The following SNX29 variants were observed in gnomAD, a reference collection of about 807,000 sequenced individuals.
SNX29 encodes the protein sorting nexin-29.
Under a neutral mutation model 102.1 loss-of-function variants are expected in SNX29, and 78 were observed. That is an observed-to-expected ratio of 0.76 (90% CI 0.64 to 0.92). The LOEUF (loss-of-function observed/expected upper bound fraction) is 0.92. Ranked by LOEUF, SNX29 falls within the 40% of genes least tolerant of loss-of-function variation. SNX29 has a pLI of 0.00. For missense variants in SNX29, 1,280 were observed against 1,061.7 expected, an observed-to-expected ratio of 1.21 and a Z score of -2.86; for synonymous variants, 580 against 414.5, an observed-to-expected ratio of 1.40 and a Z score of -4.85.
chr16:12,042,087 GTGGTGC>G (rs1225857523), intron 4 of SNX29, among the ~76,000 whole-genome samples: 3 of 152,170 alleles, frequency 2.0e-5, no homozygotes, highest in Non-Finnish European at 2.9e-5. Flanking sequence ...CCGGAGTGCA[GTGGTGC>G]AATCTCAGCT....
At chr16:12,328,066 C>G (rs1007770022) in intron 15 of SNX29, among the ~76,000 whole-genome samples, 2 of 152,176 alleles carry the variant, frequency 1.3e-5, no homozygotes, top group African/African-American at 4.8e-5. Context: ...ACACCACTTT[C>G]CAGAGCCTCG....
intron 20 of SNX29, among the ~76,000 whole-genome samples, chr16:12,541,188 A>G (rs965389554): frequency 2.0e-5 from 3 of 152,156 alleles, no homozygotes; most frequent in Non-Finnish European, 4.4e-5. Context: ...AGTATTGTCT[A>G]TCCTGAAGTA....
chr16:12,071,696 C>T (rs1483724409), intron 10 of SNX29, among the ~76,000 whole-genome samples: 1 of 152,014 alleles, frequency 6.6e-6, no homozygotes, highest in East Asian at 1.9e-4. Context: ...AGTTTTTTTC[C>T]AATTTGTGAA....
chr16:12,510,029 C>A (rs940046355), intron 19 of SNX29, among the ~76,000 whole-genome samples: 1 of 152,226 alleles, frequency 6.6e-6, no homozygotes, highest in Non-Finnish European at 1.5e-5. Context: ...TGGCTTGGTT[C>A]GCCCAGTGCC....
intron 3 of SNX29, 118 bp downstream of exon 3, chr16:12,003,161 CT>C: frequency 7.9e-7 from 1 of 1,260,978 alleles, no homozygotes; most frequent in Non-Finnish European, 1.2e-6. Context: ...CGGCTGGCTT[CT>C]GGGCTCTGCC....
At chr16:12,294,714 C>T (rs1372749881) in intron 15 of SNX29, among the ~76,000 whole-genome samples, 4 of 152,158 alleles carry the variant, frequency 2.6e-5, no homozygotes, top group African/African-American at 9.7e-5. Flanking sequence ...CAGGCTGGCT[C>T]CTTGCCTCCC....
rs1292056093 is a variant in SNX29 at position 12,570,588 on chromosome 16, A to C, written c.*1959A>C. ...TCAGGAGTGCCTCCCTGGCCTGGGT[A>C]GCTACCCTGGAGGTCATCTCCCTGT... On this transcript the variant is annotated 3_prime_UTR_variant, in exon 21 of 21. Coordinates refer to ENST00000566228, the MANE Select transcript of SNX29 (RefSeq NM_032167.5). The C allele has an allele frequency of 1.3e-5, 3 of 231,852 alleles. No homozygotes were observed. In the East Asian group the frequency reaches 1.8e-4, roughly 14 times the overall value. The allele number at this position is 231,852 out of a possible 1,614,324, so 14.4% of individuals were successfully genotyped here.
intron 15 of SNX29, among the ~76,000 whole-genome samples, chr16:12,299,826 A>G (rs1464358304): frequency 2.5e-5 from 3 of 120,056 alleles, no homozygotes; most frequent in Non-Finnish European, 5.5e-5. Context: ...TAATATTTGT[A>G]TCTTTTTTCT....
At chr16:12,458,548 T>A (rs2086633921) in intron 18 of SNX29, among the ~76,000 whole-genome samples, 1 of 152,172 alleles carries the variant, frequency 6.6e-6, no homozygotes, top group Non-Finnish European at 1.5e-5. Context: ...CTATCACTGG[T>A]CCTGTTTCTA....
intron 14 of SNX29, among the ~76,000 whole-genome samples, chr16:12,245,971 A>C (rs967411452): frequency 6.6e-6 from 1 of 152,166 alleles, no homozygotes; most frequent in Non-Finnish European, 1.5e-5. Context: ...GGATATTAAC[A>C]ATGCTTAATG....
intron 14 of SNX29, among the ~76,000 whole-genome samples, chr16:12,207,090 C>G (rs1488740353): frequency 6.6e-6 from 1 of 152,116 alleles, no homozygotes; most frequent in African/African-American, 2.4e-5. Flanking sequence ...GAGGCTAGGC[C>G]AAGCGCGGTT....
chr16:12,390,267 G>A (rs2083481714), intron 16 of SNX29, among the ~76,000 whole-genome samples: 1 of 152,050 alleles, frequency 6.6e-6, no homozygotes, highest in Admixed American at 6.6e-5. Context: ...AGTGACTGAA[G>A]TGTGAGCTGG....
At chr16:12,274,694 A>T (rs2079192599) in intron 14 of SNX29, among the ~76,000 whole-genome samples, 1 of 151,970 alleles carries the variant, frequency 6.6e-6, no homozygotes, top group South Asian at 2.1e-4. Flanking sequence ...GTGGCACCAC[A>T]CCATACTAAT....
At chr16:12,454,353 A>T (rs1048411733) in intron 18 of SNX29, among the ~76,000 whole-genome samples, 2 of 152,196 alleles carry the variant, frequency 1.3e-5, no homozygotes, top group Admixed American at 6.5e-5. Flanking sequence ...CTGCTTGTCC[A>T]TCAGAAAAGA....
chr16:12,572,577 G>C lies in SNX29; in HGVS notation c.*3948G>C. 2.8e-6 allele frequency: 3 copies of C among 1,064,254 alleles called. No homozygotes were observed. The highest frequency in any genetic ancestry group is 3.3e-5 in the African/African-American group (2 of 61,110). The allele number at this position is 1,064,254 out of a possible 1,614,324, so 65.9% of individuals were successfully genotyped here. A position where few individuals can be genotyped will look rare whatever the true frequency, so the allele number is the denominator to read the frequency against. On this transcript the variant is annotated 3_prime_UTR_variant, in exon 21 of 21. Coordinates refer to ENST00000566228, the MANE Select transcript of SNX29 (RefSeq NM_032167.5). Reference sequence around the variant, plus strand: ...GCTCCTCACAGGGAGGTCCAGCCATGTTCTCTGGGCTCCCAGTGAGCCCCC... The same window carrying C: ...GCTCCTCACAGGGAGGTCCAGCCATCTTCTCTGGGCTCCCAGTGAGCCCCC...
intron 20 of SNX29, among the ~76,000 whole-genome samples, chr16:12,536,939 G>A (rs2077102828): frequency 6.6e-6 from 1 of 152,142 alleles, no homozygotes; most frequent in Non-Finnish European, 1.5e-5. Context: ...TCACAGCACT[G>A]CACTCCAGCC....
chr16:12,404,252 A>G (rs2084075412), intron 18 of SNX29, among the ~76,000 whole-genome samples: 1 of 152,036 alleles, frequency 6.6e-6, no homozygotes, highest in African/African-American at 2.4e-5. Flanking sequence ...GGATAGCCGC[A>G]CCCAGGTGGG....
intron 19 of SNX29, among the ~76,000 whole-genome samples, chr16:12,492,707 A>T (rs188628683): frequency 7.2e-5 from 11 of 152,130 alleles, no homozygotes; most frequent in African/African-American, 2.7e-4. Flanking sequence ...TAATTTTTGT[A>T]TAAGGTGTAA....
chr16:12,529,128 C>T (rs909806769), intron 20 of SNX29, among the ~76,000 whole-genome samples: 14 of 152,286 alleles, frequency 9.2e-5, no homozygotes, highest in African/African-American at 3.1e-4. Context: ...CTGTGCCTCC[C>T]GTTGCCTCCC....
Sources: gnomAD v4.1 joint callset for allele counts (sites outside exome capture counted in the v4.1 genomes callset) on GRCh38, gnomAD v4.1.1 for gene constraint, MANE v1.5 for transcripts, NCBI Gene and HGNC (gene_info 2026-07-23, HGNC 2026-07-21) for gene names.